The following MYO18A variants were observed in gnomAD, a reference collection of about 807,000 sequenced individuals.
MYO18A encodes the protein unconventional myosin-XVIIIa.
In MYO18A, 78 loss-of-function variants were observed where a neutral mutation model predicts 235.8. That is an observed-to-expected ratio of 0.33 (90% confidence interval 0.28 to 0.40). The LOEUF is 0.40. Among genes scored for constraint, MYO18A ranks in the 10% least tolerant of loss-of-function variants. The probability of loss-of-function intolerance (pLI) is 1.00; values close to 1 mark genes in which losing one functional copy is unlikely to be tolerated. For synonymous variants in MYO18A, 977 were observed against 1,077.8 expected (o/e 0.91, Z 1.83); for missense variants, 2,215 against 2,699.3 (o/e 0.82, Z 3.98).
rs539748247 is a variant in MYO18A at position 29,115,593 on chromosome 17, G to A, written c.2227+71C>T. The A allele has an allele frequency of 6.5e-5, 97 of 1,502,086 alleles. 1 individual carries two copies. The highest frequency in any genetic ancestry group is 4.1e-4 in the East Asian group (17 of 41,732). The allele number at this position is 1,502,086 out of a possible 1,614,324, so 93.0% of individuals were successfully genotyped here. ...CTGTTCACTCCAGCAGTCCCCTCCC[G>A]CCCCAGGGATGGCAGCAAGCCCCAG... On this transcript the variant is annotated intron_variant, in intron 12 of 41. Transcript: ENST00000527372.
intron 18 of MYO18A, 24 bp downstream of exon 18, chr17:29,110,412 T>C: frequency 1.3e-6 from 2 of 1,558,382 alleles, no homozygotes; most frequent in Non-Finnish European, 1.7e-6. Flanking sequence ...CAGGCCTGCC[T>C]GCTGGGACCC....
rs1568073000 is a variant in MYO18A at position 29,109,747 on chromosome 17, G to A, written c.3331+111C>T. ...AGACCAGAGCAGAAAGGATCGTGAG[G>A]AAAGACAGGAGCAGCCCCACTGCAG... On this transcript the variant is annotated intron_variant, in intron 19 of 41. Coordinates refer to ENST00000527372, the MANE Select transcript of MYO18A (RefSeq NM_078471.4). The surrounding 1 kb of genome is among the most constrained non-coding windows in gnomAD (Gnocchi z 4.1). 1.5e-6 allele frequency: 2 copies of A among 1,347,224 alleles called. No homozygotes were observed. The highest frequency in any genetic ancestry group is 2.9e-5 in the African/African-American group (2 of 68,656). The allele number at this position is 1,347,224 out of a possible 1,614,324, so 83.5% of individuals were successfully genotyped here.
At chr17:29,086,314 G>T in intron 39 of MYO18A, 124 bp downstream of exon 39, 1 of 1,091,450 alleles carries the variant, frequency 9.2e-7, no homozygotes, top group Non-Finnish European at 1.3e-6. Context: ...GTAAAGGGAG[G>T]GTGGGTTGGC....
rs143127890 is a variant in MYO18A at position 29,119,923 on chromosome 17, T to A, written c.1729-488A>T. ...TAGGGTCTCGCTCTGTTGCCCAGGCTGGAGTGCAGTGGCGCAATCACAGCT... is the reference window on the plus strand; with the variant it reads ...TAGGGTCTCGCTCTGTTGCCCAGGCAGGAGTGCAGTGGCGCAATCACAGCT... On this transcript the variant is annotated intron_variant, in intron 7 of 41. Transcript: ENST00000527372. 2.1e-3 allele frequency among the ~76,000 whole-genome samples: 322 copies of A among 152,198 alleles called. 1 individual carries two copies. Among genetic ancestry groups the A allele is most frequent in the African/African-American group, 7.1e-3 (294 of 41,522 alleles).
chr17:29,119,126 C>T (rs2067139539), intron 8 of MYO18A, among the ~76,000 whole-genome samples: 1 of 152,180 alleles, frequency 6.6e-6, no homozygotes, highest in South Asian at 2.1e-4. Context: ...TACCCAGGAC[C>T]AGGGAGTTCT....
chr17:29,100,789 C>T (rs1393235153), intron 21 of MYO18A, among the ~76,000 whole-genome samples: 1 of 152,240 alleles, frequency 6.6e-6, no homozygotes, highest in East Asian at 1.9e-4. Flanking sequence ...CCAACAGACA[C>T]AGTATCCCAA....
At chr17:29,082,236 C>A in intron 41 of MYO18A, 80 bp downstream of exon 41, 1 of 1,578,792 alleles carries the variant, frequency 6.3e-7, no homozygotes, top group African/African-American at 1.3e-5. Flanking sequence ...CAGGCCTGCC[C>A]TCATGGGATC....
chr17:29,176,539 G>C (rs1211611242), intron 1 of MYO18A: 1 of 129,256 alleles, frequency 7.7e-6, no homozygotes, highest in Non-Finnish European at 1.6e-5. Context: ...ATACTTTCCC[G>C]AGAGAGCCGG....
chr17:29,166,048 T>C lies in MYO18A; in HGVS notation c.893A>G (p.Gln298Arg), dbSNP rs537857694. The C allele has an allele frequency of 6.2e-7, 1 of 1,613,770 alleles. No homozygotes were observed. Among genetic ancestry groups the C allele is most frequent in the South Asian group, 1.1e-5 (1 of 91,086 alleles). Residue 298 changes from glutamine (Q) to arginine (R), a missense_variant, in exon 2 of 42, where the codon CAG becomes CGG. Coordinates refer to ENST00000527372, the MANE Select transcript of MYO18A (RefSeq NM_078471.4). ...CTTGAGCCGCACGCTGTCCCCTGAC[T>C]GCCGGATCATCTCCACAATCTCATC... ...SRDEIVEMIR[Q>R]SGDSVRLKVQ...
At position 29,094,791 on chromosome 17, in the gene MYO18A, GA is replaced by G; in HGVS notation, c.4568del (p.Leu1523ProfsTer60). 1 of 1,614,034 alleles carries G rather than the reference GA, an allele frequency of 6.2e-7. No homozygotes were observed. The highest frequency in any genetic ancestry group is 8.5e-7 in the Non-Finnish European group (1 of 1,179,902). ...TQKVVSLEAELQDISSQESKD... is the reference protein window; with the variant it reads ...TQKVVSLEAEXQDISSQESKD... ...TGGACTCTTGGGAAGAAATGTCCTG[GA>G]GCTCTGCCTCTAGAGACACAACCTT... On this transcript the variant is annotated frameshift_variant, in exon 30 of 42. Transcript: ENST00000527372. LOFTEE classifies it high-confidence loss of function.
chr17:29,166,035 G>A lies in MYO18A; in HGVS notation c.906C>T (p.Ser302=). The A allele has an allele frequency of 6.2e-7, 1 of 1,613,718 alleles. No homozygotes were observed. Residue 302 remains serine (S), a synonymous_variant, in exon 2 of 42, where the codon AGC becomes AGT. Coordinates refer to ENST00000527372, the MANE Select transcript of MYO18A (RefSeq NM_078471.4). ...GAATGGGCTGCACCTTGAGCCGCAC[G>A]CTGTCCCCTGACTGCCGGATCATCT... is the stretch of plus-strand genomic sequence containing the variant. The part of the protein sequence containing the change: ...IVEMIRQSGD[S]VRLKVQPIPE...
At chr17:29,145,783 T>A (rs1224401863) in intron 2 of MYO18A, among the ~76,000 whole-genome samples, 1 of 152,188 alleles carries the variant, frequency 6.6e-6, no homozygotes, top group Non-Finnish European at 1.5e-5. Context: ...TAATTAAAAT[T>A]CAAGTCAGGG....
rs1455795863 is a variant in MYO18A, at chr17:29,094,105, A to C, written c.4711-15T>G. The C allele has an allele frequency of 6.3e-7, 1 of 1,586,726 alleles. No homozygotes were observed. Among genetic ancestry groups the C allele is most frequent in the Non-Finnish European group, 8.6e-7 (1 of 1,165,726 alleles). ...CGCAGCTTGGCCTGGAGGTGGTTGG[A>C]GTAGGGTCTGGGTTCCCTCCCCAGC... On this transcript the variant is annotated splice_polypyrimidine_tract_variant and intron_variant, in intron 30 of 41. Transcript: ENST00000527372.
chr17:29,098,793 C>A lies in MYO18A; in HGVS notation c.3780+33G>T, dbSNP rs772129783. 9.9e-6 allele frequency: 16 copies of A among 1,612,578 alleles called. No individual in the cohort carries two copies. In the South Asian group the frequency reaches 1.8e-4, roughly 18 times the overall value. On this transcript the variant is annotated intron_variant, in intron 23 of 41. Transcript: ENST00000527372. Reference sequence around the variant, plus strand: ...ATAAACCAGCAAGGCTTCCCCCTACCCAGAGACTTGGCCCTCTCAGGCTGT... The same window carrying A: ...ATAAACCAGCAAGGCTTCCCCCTACACAGAGACTTGGCCCTCTCAGGCTGT...
At chr17:29,092,586 T>C in intron 33 of MYO18A, 130 bp from the exon 34 acceptor site, 2 of 850,328 alleles carry the variant, frequency 2.4e-6, no homozygotes, top group Non-Finnish European at 3.7e-6. Context: ...CCCAGGGCCA[T>C]GGCTGTGTGG....
Position 29,074,751 on chromosome 17 carries a change from T to G in MYO18A, c.*19A>C. ...GCCACAGGCCCTGGGGTGAGAGGGC[T>G]GCCAACCACTCCCCTGGGCTATGCG... On this transcript the variant is annotated 3_prime_UTR_variant, in exon 42 of 42. Transcript: ENST00000527372. This position sits in a 1 kb window ranked among gnomAD's most constrained non-coding sequence, Gnocchi z 4.4. The G allele has an allele frequency of 6.2e-7, 1 of 1,613,472 alleles. No individual in the cohort carries two copies. The highest frequency in any genetic ancestry group is 8.5e-7 in the Non-Finnish European group (1 of 1,179,452).
intron 15 of MYO18A, among the ~76,000 whole-genome samples, chr17:29,112,980 C>T (rs1192228832): frequency 2.6e-5 from 4 of 152,178 alleles, no homozygotes; most frequent in African/African-American, 7.2e-5. Context: ...CCGCCCCATG[C>T]CAAGGTCCAT....
Position 29,128,084 on chromosome 17 carries a change from C to T in MYO18A, c.1000-5831G>A, listed in dbSNP as rs149286497. On this transcript the variant is annotated intron_variant, in intron 2 of 41. Coordinates refer to ENST00000527372, the MANE Select transcript of MYO18A (RefSeq NM_078471.4). Reference sequence around the variant, plus strand: ...CCCCTTCCCAGAAGACTGCTTGCCGCGGGCCTTGTGCTCCTTGCCCCTGCC... The same window carrying T: ...CCCCTTCCCAGAAGACTGCTTGCCGTGGGCCTTGTGCTCCTTGCCCCTGCC... The T allele has an allele frequency of 4.2e-3, 4,339 of 1,026,332 alleles. 21 individuals are homozygous for T. The highest frequency in any genetic ancestry group is 0.019 in the South Asian group (584 of 31,226). The allele number at this position is 1,026,332 out of a possible 1,614,324, so 63.6% of individuals were successfully genotyped here.
chr17:29,097,263 A>C lies in MYO18A; in HGVS notation c.4190T>G (p.Leu1397Arg). The change falls in exon 27 of 42, where the codon CTG becomes CGG. Residue 1397 changes from leucine to arginine, a missense_variant. Coordinates refer to ENST00000527372, the MANE Select transcript of MYO18A (RefSeq NM_078471.4). The part of the protein sequence containing the change: ...KRLQQEFEDK[L>R]EVEQQNKRQL... ...CCTCTTGTTCTGCTGCTCCACCTCC[A>C]GCTTGTCCTCAAACTCCTGCTGGAG... is the stretch of plus-strand genomic sequence containing the variant. The C allele has an allele frequency of 6.2e-7, 1 of 1,610,916 alleles. No individual in the cohort carries two copies. Among genetic ancestry groups the C allele is most frequent in the Non-Finnish European group, 8.5e-7 (1 of 1,179,760 alleles).
Sources: gnomAD v4.1 joint callset for allele counts (sites outside exome capture counted in the v4.1 genomes callset) on GRCh38, gnomAD v4.1.1 for gene constraint, Gnocchi (gnomAD v3.1) non-coding constraint, MANE v1.5 for transcripts, NCBI Gene and HGNC (gene_info 2026-07-23, HGNC 2026-07-21) for gene names.